The following MMP26 variants were observed in gnomAD, a reference collection of about 807,000 sequenced individuals.
MMP26 encodes the protein matrix metallopeptidase 26.
MMP26 carries 33 observed loss-of-function variants against 31.0 expected under a neutral mutation model. The observed-to-expected ratio is 1.06, with a 90% CI of 0.81 to 1.42. MMP26 has a LOEUF of 1.42. MMP26 is among the 40% of genes most tolerant of loss of function. The pLI, the probability that MMP26 is intolerant of heterozygous loss-of-function variation, is 0.00. For synonymous variants in MMP26, 122 were observed against 114.9 expected (o/e 1.06, Z -0.40); for missense variants, 347 against 316.1 (o/e 1.10, Z -0.74).
chr11:4,890,568 G>C (rs185040817), intron 2 of MMP26: 1 of 152,288 alleles, frequency 6.6e-6, no homozygotes. Context: ...GGTGGTAATC[G>C]CAATTTCAGA....
intron 2 of MMP26, among the ~76,000 whole-genome samples, chr11:4,793,172 C>A (rs1425996266): frequency 6.6e-6 from 1 of 152,068 alleles, no homozygotes; most frequent in Non-Finnish European, 1.5e-5. Flanking sequence ...TATAATCACC[C>A]TTTGATGTAA....
chr11:4,739,572 A>G (rs1848285346), intron 1 of MMP26, among the ~76,000 whole-genome samples: 1 of 152,162 alleles, frequency 6.6e-6, no homozygotes, highest in Non-Finnish European at 1.5e-5. Context: ...GATGACTCCA[A>G]CCACTTGATA....
intron 2 of MMP26, among the ~76,000 whole-genome samples, chr11:4,932,859 T>C (rs536795771): frequency 4.6e-5 from 7 of 152,222 alleles, no homozygotes; most frequent in African/African-American, 1.4e-4. Context: ...ATACACATCA[T>C]TTTCACTAGT....
At chr11:4,909,761 A>G (rs1020088459) in intron 2 of MMP26, among the ~76,000 whole-genome samples, 1 of 152,162 alleles carries the variant, frequency 6.6e-6, no homozygotes. Flanking sequence ...TGTAAATTTA[A>G]CCACAGCTAA....
At chr11:4,833,075 G>C (rs1373476491) in intron 2 of MMP26, 1 of 152,126 alleles carries the variant, frequency 6.6e-6, no homozygotes, top group Non-Finnish European at 1.5e-5. Context: ...CTAAATGATG[G>C]GGCAAAGGTG....
At chr11:4,762,763 T>C (rs1264586239) in intron 1 of MMP26, among the ~76,000 whole-genome samples, 1 of 152,154 alleles carries the variant, frequency 6.6e-6, no homozygotes, top group Non-Finnish European at 1.5e-5. Flanking sequence ...CTCACTAGAA[T>C]GGGAGGCAAA....
At chr11:4,902,470 T>C (rs763479159) in intron 2 of MMP26, among the ~76,000 whole-genome samples, 27 of 152,278 alleles carry the variant, frequency 1.8e-4, no homozygotes, top group Admixed American at 3.3e-4. Flanking sequence ...TTTGTGGCTG[T>C]GTAGTATTCC....
At chr11:4,960,520 G>A (rs965734770) in intron 2 of MMP26, among the ~76,000 whole-genome samples, 8 of 129,534 alleles carry the variant, frequency 6.2e-5, no homozygotes, top group African/African-American at 9.1e-5. Flanking sequence ...TTGCTGCTAC[G>A]TGGGTCTATT....
rs1268927814 is a variant in MMP26 at position 4,989,878 on chromosome 11, A to T, written c.320+10A>T. The T allele has an allele frequency of 6.3e-7, 1 of 1,598,666 alleles. No individual in the cohort carries two copies. Among genetic ancestry groups the T allele is most frequent in the South Asian group, 1.1e-5 (1 of 90,790 alleles). On this transcript the variant is annotated intron_variant, in intron 4 of 7. Coordinates refer to ENST00000380390, the MANE Select transcript of MMP26 (RefSeq NM_021801.5). ...ACACTCTAACTTACAGGTGCTTGTT[A>T]CTAAGGCCTAGAGGATAATGTGTGG... is the stretch of plus-strand genomic sequence containing the variant.
chr11:4,808,051 C>T (rs1251406109), intron 2 of MMP26, among the ~76,000 whole-genome samples: 2 of 152,176 alleles, frequency 1.3e-5, no homozygotes, highest in Admixed American at 6.5e-5. Context: ...AGTGACCAGC[C>T]AGCCTTGGCC....
At chr11:4,946,238 G>C (rs28698374) in intron 2 of MMP26, 1 of 1,613,316 alleles carries the variant, frequency 6.2e-7, no homozygotes, top group African/African-American at 1.3e-5. Flanking sequence ...AATTGGGTTC[G>C]TCAGTGGAGG....
intron 2 of MMP26, among the ~76,000 whole-genome samples, chr11:4,785,482 A>C (rs1357949030): frequency 6.6e-6 from 1 of 152,152 alleles, no homozygotes; most frequent in African/African-American, 2.4e-5. Context: ...TAGATAAATT[A>C]ACAGTATTTT....
chr11:4,741,544 A>T (rs1038166398), intron 1 of MMP26, among the ~76,000 whole-genome samples: 3 of 151,928 alleles, frequency 2.0e-5, no homozygotes, highest in African/African-American at 4.8e-5. Flanking sequence ...ACACTACTAC[A>T]GGAACAGAAA....
chr11:4,766,890 A>G (rs1444187397), intron 1 of MMP26, among the ~76,000 whole-genome samples: 3 of 151,902 alleles, frequency 2.0e-5, no homozygotes, highest in Non-Finnish European at 4.4e-5. Flanking sequence ...GCTTATTGTG[A>G]TAATGTTAGT....
intron 2 of MMP26, among the ~76,000 whole-genome samples, chr11:4,835,582 A>G (rs1257461688): frequency 6.6e-6 from 1 of 152,172 alleles, no homozygotes; most frequent in African/African-American, 2.4e-5. Flanking sequence ...GGGAAAAAGG[A>G]GAGAGCAATT....
At chr11:4,763,684 T>C (rs1303297278) in intron 1 of MMP26, among the ~76,000 whole-genome samples, 1 of 152,178 alleles carries the variant, frequency 6.6e-6, no homozygotes, top group Non-Finnish European at 1.5e-5. Flanking sequence ...AATAAATGCA[T>C]AATTATGTGG....
chr11:4,878,134 T>C (rs1451098420), intron 2 of MMP26: 3 of 152,182 alleles, frequency 2.0e-5, no homozygotes, highest in Non-Finnish European at 4.4e-5. Context: ...AATGAAACCT[T>C]GCATTATGCA....
intron 2 of MMP26, among the ~76,000 whole-genome samples, chr11:4,786,493 CTTTTTTTTTTTTTTTTTTTTT>C (rs66987352): frequency 1.7e-5 from 1 of 60,352 alleles, no homozygotes; most frequent in Admixed American, 2.0e-4. Flanking sequence ...TCTGCTGATC[CTTTTTTTTTTTTTTTTTTTTT>C]TTTTTTTTTA....
At chr11:4,864,912 T>C (rs926247612) in intron 2 of MMP26, among the ~76,000 whole-genome samples, 1 of 152,146 alleles carries the variant, frequency 6.6e-6, no homozygotes, top group Admixed American at 6.6e-5. Flanking sequence ...TGGTTAAATA[T>C]GGTAAAAAGA....
Sources: gnomAD v4.1 joint callset for allele counts (sites outside exome capture counted in the v4.1 genomes callset) on GRCh38, gnomAD v4.1.1 for gene constraint, MANE v1.5 for transcripts, NCBI Gene and HGNC (gene_info 2026-07-23, HGNC 2026-07-21) for gene names.